Variants in GLIS1 observed in about 807,000 individuals in gnomAD.
The protein encoded by GLIS1 is GLIS family zinc finger 1.
A neutral mutation model predicts 63.8 loss-of-function variants in GLIS1; 24 were observed. The ratio of observed to expected loss-of-function variants is 0.38; its 90% confidence interval spans 0.27 to 0.53. The LOEUF (loss-of-function observed/expected upper bound fraction) is 0.53, where lower values mean the gene tolerates loss of function less well. Ranked by LOEUF, GLIS1 falls within the 20% of genes least tolerant of loss-of-function variation. The pLI is 0.85. For missense variants in GLIS1, 1,036 were observed against 1,074.1 expected (o/e 0.96, Z 0.50); for synonymous variants, 450 against 482.5 (o/e 0.93, Z 0.88).
At chr1:53,592,522 C>A (rs1022347669) in intron 4 of GLIS1, among the ~76,000 whole-genome samples, 3 of 152,186 alleles carry the variant, frequency 2.0e-5, no homozygotes, top group African/African-American at 7.2e-5. Context: ...GATATGGGGG[C>A]CCAGCTGTCT....
At chr1:53,698,922 A>G (rs1437608406) in intron 2 of GLIS1, among the ~76,000 whole-genome samples, 3 of 152,192 alleles carry the variant, frequency 2.0e-5, no homozygotes, top group African/African-American at 7.2e-5. Flanking sequence ...GACTTGCCCA[A>G]GGTCCCACAA....
At chr1:53,517,119 G>C (rs561856670) in intron 7 of GLIS1, among the ~76,000 whole-genome samples, 2 of 152,224 alleles carry the variant, frequency 1.3e-5, no homozygotes, top group East Asian at 3.9e-4. Flanking sequence ...CAAAGTCACA[G>C]AGTAGGCGGC....
At chr1:53,610,956 C>T (rs1228436245) in intron 2 of GLIS1, among the ~76,000 whole-genome samples, 1 of 152,072 alleles carries the variant, frequency 6.6e-6, no homozygotes, top group Non-Finnish European at 1.5e-5. Context: ...TTAAATCTAG[C>T]TTTTGCATTC....
intron 2 of GLIS1, among the ~76,000 whole-genome samples, chr1:53,678,002 T>C (rs1372877219): frequency 6.6e-6 from 1 of 152,154 alleles, no homozygotes; most frequent in Admixed American, 6.5e-5. Context: ...CCCACCACCA[T>C]GGCTGGCACT....
chr1:53,670,359 C>T (rs986644007), intron 2 of GLIS1, among the ~76,000 whole-genome samples: 1 of 152,172 alleles, frequency 6.6e-6, no homozygotes, highest in Admixed American at 6.5e-5. Context: ...CAATCTGATG[C>T]CCCGCTTTTC....
intron 4 of GLIS1, among the ~76,000 whole-genome samples, chr1:53,569,323 T>C (rs550868770): frequency 1.1e-3 from 164 of 152,338 alleles, no homozygotes; most frequent in Middle Eastern, 3.4e-3. Flanking sequence ...TGTGTCAATG[T>C]AGGTTCGTTG....
chr1:53,602,140 G>A (rs896370947), intron 2 of GLIS1, among the ~76,000 whole-genome samples: 23 of 152,164 alleles, frequency 1.5e-4, no homozygotes, highest in African/African-American at 5.1e-4. Flanking sequence ...ACTGGCCCTG[G>A]CTGCTGCCTG....
intron 2 of GLIS1, among the ~76,000 whole-genome samples, chr1:53,637,181 C>T (rs565436415): frequency 2.7e-4 from 41 of 152,214 alleles, no homozygotes; most frequent in East Asian, 1.4e-3. Flanking sequence ...TAGCTCCCCC[C>T]GGCAGGCTGG....
rs1017356317 is a variant in GLIS1, at chr1:53,639,372, C to T, written c.260-39094G>A. Among the ~76,000 whole-genome samples the T allele has an allele frequency of 8.5e-5, 13 of 152,076 alleles. No individual in the cohort carries two copies. Among genetic ancestry groups the T allele is most frequent in the African/African-American group, 3.1e-4 (13 of 41,412 alleles). Reference sequence around the variant, plus strand: ...CTCTCCTTCCCATCTCCCATTGGCCCGCAGGGTGGCAGCAGCCGTCTGGGA... The same window carrying T: ...CTCTCCTTCCCATCTCCCATTGGCCTGCAGGGTGGCAGCAGCCGTCTGGGA... On this transcript the variant is annotated intron_variant, in intron 2 of 10. Coordinates refer to ENST00000628545, the MANE Select transcript of GLIS1 (RefSeq NM_001367484.1). This position sits in a 1 kb window ranked among gnomAD's most constrained non-coding sequence, Gnocchi z 4.6.
At chr1:53,622,494 T>A (rs557662705) in intron 2 of GLIS1, among the ~76,000 whole-genome samples, 8 of 150,808 alleles carry the variant, frequency 5.3e-5, no homozygotes, top group Admixed American at 2.0e-4. Context: ...ATCTCCAGAA[T>A]TGGTGAATGT....
intron 3 of GLIS1, among the ~76,000 whole-genome samples, chr1:53,599,175 A>G (rs571096025): frequency 6.6e-6 from 1 of 152,274 alleles, no homozygotes; most frequent in South Asian, 2.1e-4. Context: ...CAAGGCTGCT[A>G]TGGTTTGAAT....
intron 2 of GLIS1, among the ~76,000 whole-genome samples, chr1:53,642,202 A>C (rs923304879): frequency 1.3e-5 from 2 of 152,244 alleles, no homozygotes; most frequent in African/African-American, 4.8e-5. Flanking sequence ...CAAATAAATC[A>C]GGCTAATGGA....
chr1:53,617,528 G>A (rs926206521), intron 2 of GLIS1, among the ~76,000 whole-genome samples: 2 of 152,146 alleles, frequency 1.3e-5, no homozygotes, highest in Admixed American at 1.3e-4. Context: ...CATCACCCTC[G>A]GCCACGCTAC....
At chr1:53,564,194 T>C (rs1037685182) in intron 4 of GLIS1, among the ~76,000 whole-genome samples, 2 of 152,116 alleles carry the variant, frequency 1.3e-5, no homozygotes, top group African/African-American at 4.8e-5. Flanking sequence ...AACAAAAGCA[T>C]GTAGGTTTGG....
intron 4 of GLIS1, among the ~76,000 whole-genome samples, chr1:53,530,647 C>A (rs1242367482): frequency 6.6e-6 from 1 of 152,224 alleles, no homozygotes; most frequent in Non-Finnish European, 1.5e-5. Flanking sequence ...CCTAGATCAA[C>A]ATCAGGGGTT....
chr1:53,731,954 T>A (rs1009663597), intron 2 of GLIS1, among the ~76,000 whole-genome samples: 1 of 152,164 alleles, frequency 6.6e-6, no homozygotes, highest in African/African-American at 2.4e-5. Context: ...TGCTCTCCAT[T>A]TTACAGATGG....
intron 4 of GLIS1, among the ~76,000 whole-genome samples, chr1:53,592,403 C>CA (rs1186280651): frequency 6.6e-6 from 1 of 152,152 alleles, no homozygotes; most frequent in Non-Finnish European, 1.5e-5. Flanking sequence ...TCCTTCGGGT[C>CA]ACAGAGCCTC....
rs190368239 is a variant in GLIS1 at position 53,629,465 on chromosome 1, C to G, written c.260-29187G>C. Among the ~76,000 whole-genome samples the G allele has an allele frequency of 5.3e-5, 8 of 152,278 alleles. No homozygotes were observed. The East Asian group carries it at 1.5e-3, about 29-fold the overall frequency. On this transcript the variant is annotated intron_variant, in intron 2 of 10. Coordinates refer to ENST00000628545, the MANE Select transcript of GLIS1 (RefSeq NM_001367484.1). The stretch of plus-strand genomic sequence containing the variant: ...GACAGCACCTGGCTCTTAATGGTGC[C>G]CTAGAAATGAACAGCATGAGATGGG...
chr1:53,729,113 A>G (rs1246408865), intron 2 of GLIS1, among the ~76,000 whole-genome samples: 1 of 152,232 alleles, frequency 6.6e-6, no homozygotes, highest in Non-Finnish European at 1.5e-5. Flanking sequence ...TGTCACGTGG[A>G]CAGTGGAAAG....
Sources: allele counts gnomAD v4.1 joint callset (sites outside exome capture counted in the v4.1 genomes callset), GRCh38; gene constraint gnomAD v4.1.1; non-coding constraint Gnocchi (gnomAD v3.1); transcripts MANE v1.5; gene names NCBI Gene and HGNC (gene_info 2026-07-23, HGNC 2026-07-21).